KCNAB3: variants seen among roughly 807,000 people sequenced by gnomAD.
KCNAB3 encodes the protein voltage-gated potassium channel subunit beta-3.
In KCNAB3, 62 loss-of-function variants were observed where a neutral mutation model predicts 67.7. The observed-to-expected ratio is 0.92, with a 90% CI of 0.75 to 1.13. The LOEUF is 1.13. Among genes scored for constraint, KCNAB3 ranks in the 50% most tolerant of loss-of-function variants. The pLI, the probability that KCNAB3 is intolerant of heterozygous loss-of-function variation, is 0.00. For synonymous variants in KCNAB3, 212 were observed against 205.4 expected, an observed-to-expected ratio of 1.03 and a Z score of -0.27; for missense variants, 514 against 522.9, an observed-to-expected ratio of 0.98 and a Z score of 0.17.
At chr17:7,928,596 C>G (rs753863706) in intron 1 of KCNAB3, among the ~76,000 whole-genome samples, 4 of 152,288 alleles carry the variant, frequency 2.6e-5, no homozygotes, top group African/African-American at 7.2e-5. Flanking sequence ...TCCTCTACCC[C>G]CTACTTCAGG....
intron 8 of KCNAB3, 86 bp downstream of exon 8, chr17:7,925,011 C>T: frequency 7.9e-7 from 1 of 1,273,354 alleles, no homozygotes; most frequent in Non-Finnish European, 1.1e-6. Context: ...CTCCCAACGT[C>T]CTGGGATTAC....
intron 8 of KCNAB3, chr17:7,924,771 C>G: frequency 1.9e-6 from 2 of 1,035,686 alleles, no homozygotes; most frequent in Non-Finnish European, 2.6e-6. Flanking sequence ...GAGACAGGGT[C>G]TCACTCTGTC....
intron 13 of KCNAB3, 88 bp from the exon 14 acceptor site, chr17:7,923,267 A>T: frequency 7.3e-7 from 1 of 1,363,568 alleles, no homozygotes; most frequent in Non-Finnish European, 1.0e-6. Context: ...GAAGCACCAC[A>T]GTGGGGTCAA....
At position 7,929,487 on chromosome 17, in the gene KCNAB3, C is replaced by A; in HGVS notation, c.-52G>T. 1.3e-6 allele frequency: 2 copies of A among 1,537,062 alleles called. No individual in the cohort carries two copies. Among genetic ancestry groups the A allele is most frequent in the Admixed American group, 2.0e-5 (1 of 50,222 alleles). ...GCTCCGAGGGGACGGGAGGGGGGAG[C>A]AGGGAAGCCCGAGGGCTGACGACCG... On this transcript the variant is annotated 5_prime_UTR_variant, in exon 1 of 14. Transcript: ENST00000303790. This position sits in a 1 kb window ranked among gnomAD's most constrained non-coding sequence, Gnocchi z 5.7.
chr17:7,923,967 C>A lies in KCNAB3; in HGVS notation c.927+1G>T, dbSNP rs199658994. 85 of 1,613,062 alleles carry A rather than the reference C, an allele frequency of 5.3e-5. No homozygotes were observed. The highest frequency in any genetic ancestry group is 7.0e-5 in the Non-Finnish European group (82 of 1,179,718). ...TGCCATCGAGAGCCCCCAGATCTCA[C>A]CTTGATGGAGGCCCTGCAAGTATCT... On this transcript the variant is annotated splice_donor_variant, in intron 11 of 13. Transcript: ENST00000303790. LOFTEE classifies it high-confidence loss of function.
intron 13 of KCNAB3, 39 bp downstream of exon 13, chr17:7,923,417 G>T (rs373259583): frequency 6.4e-7 from 1 of 1,571,992 alleles, no homozygotes; most frequent in South Asian, 1.1e-5. Flanking sequence ...CTCCTGGGGA[G>T]GGGGACAGAT....
chr17:7,928,104 T>C, intron 1 of KCNAB3: 1 of 566,832 alleles, frequency 1.8e-6, no homozygotes, highest in Non-Finnish European at 3.2e-6. Context: ...TGCAGTCTGG[T>C]TTGTCCTTCT....
At position 7,923,058 on chromosome 17, in the gene KCNAB3, G is replaced by A. The variant is rs527718495; in HGVS notation, c.*44C>T. 2.2e-4 allele frequency: 343 copies of A among 1,581,066 alleles called. No individual in the cohort carries two copies. Among genetic ancestry groups the A allele is most frequent in the Non-Finnish European group, 2.9e-4 (331 of 1,150,252 alleles). On this transcript the variant is annotated 3_prime_UTR_variant, in exon 14 of 14. Coordinates refer to ENST00000303790, the MANE Select transcript of KCNAB3 (RefSeq NM_004732.4). ...GGCGGCTGCGAGGAGCGGGGCTCGGGCGGGTGCAGCGACACCGGGTTGGGT... is the reference window on the plus strand; with the variant it reads ...GGCGGCTGCGAGGAGCGGGGCTCGGACGGGTGCAGCGACACCGGGTTGGGT...
intron 4 of KCNAB3, among the ~76,000 whole-genome samples, chr17:7,926,710 G>A (rs1419335782): frequency 6.6e-6 from 1 of 151,758 alleles, no homozygotes; most frequent in Non-Finnish European, 1.5e-5. Flanking sequence ...CACTTAGACT[G>A]TGTGCACTTT....
intron 6 of KCNAB3, 62 bp downstream of exon 6, chr17:7,925,869 C>T: frequency 2.6e-6 from 4 of 1,512,640 alleles, no homozygotes; most frequent in Non-Finnish European, 3.7e-6. Context: ...CACCCCCACC[C>T]CATACACCTT....
Position 7,929,467 on chromosome 17 carries a change from G to A in KCNAB3, c.-32C>T, listed in dbSNP as rs560087126. On this transcript the variant is annotated 5_prime_UTR_variant, in exon 1 of 14. Transcript: ENST00000303790. This position sits in a 1 kb window ranked among gnomAD's most constrained non-coding sequence, Gnocchi z 5.7. ...TGGCCGAGGCGGGGGAGGGGGCTCCGAGGGGACGGGAGGGGGGAGCAGGGA... is the reference window on the plus strand; with the variant it reads ...TGGCCGAGGCGGGGGAGGGGGCTCCAAGGGGACGGGAGGGGGGAGCAGGGA... 55 of 1,519,442 alleles carry A rather than the reference G, an allele frequency of 3.6e-5. No individual in the cohort carries two copies. The South Asian group carries it at 6.2e-4, about 17-fold the overall frequency. 94.1% of individuals were successfully genotyped at this position (1,519,442 alleles called of 1,614,324 possible).
chr17:7,924,543 G>T (rs1309574175), intron 8 of KCNAB3, 43 bp from the exon 9 acceptor site: 2 of 1,568,432 alleles, frequency 1.3e-6, no homozygotes, highest in Non-Finnish European at 1.7e-6. Context: ...CAGAGCCCTG[G>T]AATCTAAGAC....
Position 7,927,367 on chromosome 17 carries a change from GGT to G in KCNAB3, c.379_380del (p.Thr127ArgfsTer10). 1 of 1,613,800 alleles carries G rather than the reference GGT, an allele frequency of 6.2e-7. No homozygotes were observed. Among genetic ancestry groups the G allele is most frequent in the Non-Finnish European group, 8.5e-7 (1 of 1,179,986 alleles). On this transcript the variant is annotated frameshift_variant, in exon 4 of 14. Transcript: ENST00000303790. LOFTEE classifies it high-confidence loss of function. ...AYEHGVNLFDTAEVYAAGKAE... is the reference protein window; with the variant it reads ...AYEHGVNLFDXAEVYAAGKAE... ...ACTTTCCTGCTGCGTACACTTCGGCGGTGTCAAACAGGTTTACACCATGCTCA... is the reference window on the plus strand; with the variant it reads ...ACTTTCCTGCTGCGTACACTTCGGCGGTCAAACAGGTTTACACCATGCTCA...
At chr17:7,924,722 G>A (rs1972168352) in intron 8 of KCNAB3, 2 of 1,337,934 alleles carry the variant, frequency 1.5e-6, no homozygotes, top group South Asian at 2.2e-5. Flanking sequence ...CCTGCTGAGG[G>A]TTTGAGGAAG....
At position 7,923,019 on chromosome 17, in the gene KCNAB3, T is replaced by G. The variant is rs901427798; in HGVS notation, c.*83A>C. On this transcript the variant is annotated 3_prime_UTR_variant, in exon 14 of 14. Coordinates refer to ENST00000303790, the MANE Select transcript of KCNAB3 (RefSeq NM_004732.4). ...TGGCTCCGGCCGCTGCGTGGAGGGA[T>G]CCGGAGCGGGAGAGGCGGCTGCGAG... is the stretch of plus-strand genomic sequence containing the variant. The G allele has an allele frequency of 1.5e-6, 2 of 1,336,698 alleles. No individual in the cohort carries two copies. Among genetic ancestry groups the G allele is most frequent in the African/African-American group, 2.9e-5 (2 of 69,392 alleles). The allele number at this position is 1,336,698 out of a possible 1,614,324, so 82.8% of individuals were successfully genotyped here. A position where few individuals can be genotyped will look rare whatever the true frequency, so the allele number is the denominator to read the frequency against.
At chr17:7,924,345 G>A in intron 9 of KCNAB3, 70 bp downstream of exon 9, 1 of 1,608,990 alleles carries the variant, frequency 6.2e-7, no homozygotes. Flanking sequence ...AGTGCAGTGG[G>A]CTTTGGAGTA....
At position 7,923,037 on chromosome 17, in the gene KCNAB3, GC is replaced by G. The variant is rs1282755519; in HGVS notation, c.*64del. ...GGAGGGATCCGGAGCGGGAGAGGCG[GC>G]TGCGAGGAGCGGGGCTCGGGCGGGT... On this transcript the variant is annotated 3_prime_UTR_variant, in exon 14 of 14. Transcript: ENST00000303790. 4.7e-6 allele frequency: 7 copies of G among 1,480,382 alleles called. No homozygotes were observed. The East Asian group carries it at 1.6e-4, about 33-fold the overall frequency. 91.7% of individuals were successfully genotyped at this position (1,480,382 alleles called of 1,614,324 possible). A position where few individuals can be genotyped will look rare whatever the true frequency, so the allele number is the denominator to read the frequency against.
rs749778107 is a variant in KCNAB3, at chr17:7,924,210, G to T, written c.767C>A (p.Ala256Glu). Residue 256 changes from alanine (A) to glutamate (E), a missense_variant, in exon 10 of 14, where the codon GCG becomes GAG. Transcript: ENST00000303790. Reference protein sequence around the residue: ...FNLIPPVCEQAEHHLFQREKV... With the variant: ...FNLIPPVCEQEEHHLFQREKV... ...CTCCCTCTGAAACAGATGGTGCTCC[G>T]CTTGTTCACACACTGGAGGAATCAG... is the stretch of plus-strand genomic sequence containing the variant. The T allele has an allele frequency of 2.5e-6, 4 of 1,614,208 alleles. No individual in the cohort carries two copies. The South Asian group carries it at 4.4e-5, about 18-fold the overall frequency.
intron 3 of KCNAB3, 61 bp from the exon 4 acceptor site, chr17:7,927,484 T>A: frequency 1.9e-6 from 3 of 1,553,604 alleles, no homozygotes; most frequent in Non-Finnish European, 2.7e-6. Context: ...CTCACTGTAC[T>A]CTAACCCATC....
Sources: allele counts gnomAD v4.1 joint callset (sites outside exome capture counted in the v4.1 genomes callset), GRCh38; gene constraint gnomAD v4.1.1; non-coding constraint Gnocchi (gnomAD v3.1); transcripts MANE v1.5; gene names NCBI Gene and HGNC (gene_info 2026-07-23, HGNC 2026-07-21).